SCN8A: variants seen among roughly 807,000 people sequenced by gnomAD.
The protein encoded by SCN8A is sodium channel protein type 8 subunit alpha.
SCN8A carries 30 observed loss-of-function variants against 184.1 expected under a neutral mutation model. The observed-to-expected ratio is 0.16, with a 90% confidence interval of 0.12 to 0.22. The LOEUF is 0.22. SCN8A is among the 10% of genes least tolerant of loss of function. SCN8A has a pLI of 1.00. For synonymous variants in SCN8A, 852 were observed against 907.0 expected (o/e 0.94, Z 1.09); for missense variants, 1,057 against 2,498.9 (o/e 0.42, Z 12.30).
rs1324654905 is a variant in SCN8A at position 51,765,600 on chromosome 12, ATT to A, written c.2545-68_2545-67del. 5 of 923,112 alleles carry A rather than the reference ATT, an allele frequency of 5.4e-6. No individual in the cohort carries two copies. The East Asian group carries it at 1.1e-4, about 19-fold the overall frequency. 57.2% of individuals were successfully genotyped at this position (923,112 alleles called of 1,614,324 possible). On this transcript the variant is annotated intron_variant, in intron 15 of 26. Coordinates refer to ENST00000627620, the MANE Select transcript of SCN8A (RefSeq NM_001330260.2). Reference sequence around the variant, plus strand: ...CTGATCTTCCTAATTTTATGTTTTTATTTTAGCCATGTGGTGAGAAAATTGAT... The same window carrying A: ...CTGATCTTCCTAATTTTATGTTTTTATTAGCCATGTGGTGAGAAAATTGAT...
intron 25 of SCN8A, among the ~76,000 whole-genome samples, chr12:51,793,899 T>C (rs748991711): frequency 1.3e-5 from 2 of 150,476 alleles, no homozygotes; most frequent in Non-Finnish European, 3.0e-5. Context: ...AATCCTAGCA[T>C]TTTGGGAGGC....
chr12:51,710,883 T>C (rs1941863578), intron 11 of SCN8A, among the ~76,000 whole-genome samples: 2 of 152,240 alleles, frequency 1.3e-5, no homozygotes, highest in South Asian at 4.1e-4. Context: ...GAAAGTACTC[T>C]ACATATACTC....
At chr12:51,799,730 A>G (rs113546428) in intron 26 of SCN8A, among the ~76,000 whole-genome samples, 92 of 152,210 alleles carry the variant, frequency 6.0e-4, no homozygotes, top group African/African-American at 2.1e-3. Flanking sequence ...CCGGAGTAAC[A>G]TACTCAAATG....
chr12:51,636,553 T>G (rs1306626078), intron 1 of SCN8A, among the ~76,000 whole-genome samples: 1 of 152,160 alleles, frequency 6.6e-6, no homozygotes, highest in Non-Finnish European at 1.5e-5. Flanking sequence ...AGAAATTTAC[T>G]TATATAGTTT....
chr12:51,757,734 C>G (rs1423019480), intron 14 of SCN8A, among the ~76,000 whole-genome samples: 1 of 152,162 alleles, frequency 6.6e-6, no homozygotes, highest in Non-Finnish European at 1.5e-5. Context: ...CTGCAGTGAG[C>G]TATGATCATG....
rs1592178087 is a variant in SCN8A at position 51,811,234 on chromosome 12, T to G, written c.*3805T>G. ...TAGAGGGAAGAGAAATCAAAGGGGC[T>G]CTCGCAAAGTTCTGGCTAAGAAGGA... On this transcript the variant is annotated 3_prime_UTR_variant, in exon 27 of 27. Transcript: ENST00000627620. 6.6e-6 allele frequency: 1 copy of G among 152,130 alleles called. No homozygotes were observed. Among genetic ancestry groups the G allele is most frequent in the East Asian group, 1.9e-4 (1 of 5,172 alleles). 9.4% of individuals were successfully genotyped at this position (152,130 alleles called of 1,614,324 possible). A position where few individuals can be genotyped will look rare whatever the true frequency, so the allele number is the denominator to read the frequency against.
intron 3 of SCN8A, among the ~76,000 whole-genome samples, chr12:51,685,369 A>G (rs1941402318): frequency 6.6e-6 from 1 of 152,184 alleles, no homozygotes; most frequent in African/African-American, 2.4e-5. Flanking sequence ...TTAACAAGAG[A>G]GAGTGAATTA....
At chr12:51,629,315 C>T (rs1940146025) in intron 1 of SCN8A, among the ~76,000 whole-genome samples, 1 of 152,104 alleles carries the variant, frequency 6.6e-6, no homozygotes, top group South Asian at 2.1e-4. Context: ...GCATTATTGA[C>T]ATTTTGAACT....
intron 2 of SCN8A, among the ~76,000 whole-genome samples, chr12:51,675,089 A>G (rs1173057395): frequency 6.6e-6 from 1 of 152,210 alleles, no homozygotes; most frequent in Non-Finnish European, 1.5e-5. Flanking sequence ...GCTTAGAGCA[A>G]CTGTAGTCTG....
intron 6 of SCN8A, among the ~76,000 whole-genome samples, chr12:51,698,786 A>C (rs1337935297): frequency 6.6e-6 from 1 of 152,276 alleles, no homozygotes; most frequent in Non-Finnish European, 1.5e-5. Flanking sequence ...ATGGAAAAAG[A>C]CAAAGTATAA....
In SCN8A at chr12:51,775,104, A is replaced by G. The variant is rs529508906; in HGVS notation, c.3819+742A>G. 9.2e-5 allele frequency among the ~76,000 whole-genome samples: 14 copies of G among 152,244 alleles called. No homozygotes were observed. In the East Asian group the frequency reaches 2.7e-3, roughly 29 times the overall value. ...AGGATGATGACTGGTCTCTTATTCT[A>G]TGTAATAACTAAAGCTTCTTTCTTT... On this transcript the variant is annotated intron_variant, in intron 20 of 26. Transcript: ENST00000627620.
rs1288157626 is a variant in SCN8A, at chr12:51,807,079, C to T, written c.5593C>T (p.Leu1865=). The stretch of plus-strand genomic sequence containing the variant: ...GGGAGATAGCGGGGAGTTGGACATC[C>T]TGCGGCAGCAGATGGAAGAGCGGTT... ...VLGDSGELDI[L]RQQMEERFVA... Residue 1865 remains leucine (L), a synonymous_variant, in exon 27 of 27, where the codon CTG becomes TTG. Coordinates refer to ENST00000627620, the MANE Select transcript of SCN8A (RefSeq NM_001330260.2). This position sits in a 1 kb window ranked among gnomAD's most constrained non-coding sequence, Gnocchi z 4.5. 6.2e-7 allele frequency: 1 copy of T among 1,613,994 alleles called. No homozygotes were observed. The highest frequency in any genetic ancestry group is 1.3e-5 in the African/African-American group (1 of 75,028).
In SCN8A at chr12:51,774,120, G is replaced by C. The variant is rs1167916958; in HGVS notation, c.3646-69G>C. The C allele has an allele frequency of 1.3e-5, 20 of 1,484,072 alleles. No individual in the cohort carries two copies. In the East Asian group the frequency reaches 4.6e-4, roughly 34 times the overall value. The allele number at this position is 1,484,072 out of a possible 1,614,324, so 91.9% of individuals were successfully genotyped here. ...AGCCCATGTGGGACGGCTCCCTGAG[G>C]ATAGCAGTGCTCCCTGTGGCCTGCT... is the stretch of plus-strand genomic sequence containing the variant. On this transcript the variant is annotated intron_variant, in intron 19 of 26. Transcript: ENST00000627620.
Position 51,592,963 on chromosome 12 carries a change from A to T in SCN8A, c.-55+1604A>T, listed in dbSNP as rs560144142. Among the ~76,000 whole-genome samples the T allele has an allele frequency of 3.0e-4, 45 of 152,132 alleles. No homozygotes were observed. The South Asian group carries it at 4.8e-3, about 16-fold the overall frequency. On this transcript the variant is annotated intron_variant, in intron 1 of 26. Transcript: ENST00000627620. ...TGCTTTTATTCTTTTCTCAAAAAAA[A>T]TTTTTTTTTTGATTTGTGATGCAAA...
chr12:51,604,888 G>T (rs1939552777), intron 1 of SCN8A, among the ~76,000 whole-genome samples: 1 of 151,882 alleles, frequency 6.6e-6, no homozygotes, highest in Admixed American at 6.6e-5. Context: ...GTGCAGGTTT[G>T]TTGTATAGAT....
chr12:51,656,793 C>A (rs1940829104), intron 1 of SCN8A, among the ~76,000 whole-genome samples: 2 of 151,452 alleles, frequency 1.3e-5, no homozygotes, highest in Admixed American at 6.6e-5. Flanking sequence ...CAGTGAGGTA[C>A]CACTTTACAC....
intron 14 of SCN8A, among the ~76,000 whole-genome samples, chr12:51,756,092 G>A (rs926879630): frequency 2.0e-5 from 3 of 152,032 alleles, no homozygotes; most frequent in African/African-American, 7.3e-5. Context: ...GCCTTCGCCT[G>A]CATGGACATC....
chr12:51,701,171 T>C lies in SCN8A; in HGVS notation c.956T>C (p.Leu319Pro). Reference sequence around the variant, plus strand: ...AATTTCTACACAGTTCCTGGCATGCTGGAACCTTTACTCTGTGGGAACAGT... The same window carrying C: ...AATTTCTACACAGTTCCTGGCATGCCGGAACCTTTACTCTGTGGGAACAGT... ...KTNFYTVPGM[L>P]EPLLCGNSSD... The change falls in exon 8 of 27, where the codon CTG (leucine) becomes CCG (proline). Residue 319 changes from leucine (L) to proline (P), a missense_variant. Leu to Pro is a moderately conservative substitution (Grantham distance 98). This residue lies in a region of SCN8A where 26 missense variants were observed against 44.4 expected (regional missense o/e 0.59). Transcript: ENST00000627620. 1 of 1,613,034 alleles carries C rather than the reference T, an allele frequency of 6.2e-7. No individual in the cohort carries two copies. Among genetic ancestry groups the C allele is most frequent in the Non-Finnish European group, 8.5e-7 (1 of 1,179,340 alleles).
At chr12:51,642,639 T>C (rs1384110467) in intron 1 of SCN8A, among the ~76,000 whole-genome samples, 1 of 151,964 alleles carries the variant, frequency 6.6e-6, no homozygotes, top group East Asian at 1.9e-4. Flanking sequence ...CTTTGTAAGC[T>C]TTTGACAAAC....
Sources: allele counts gnomAD v4.1 joint callset (sites outside exome capture counted in the v4.1 genomes callset), GRCh38; gene constraint gnomAD v4.1.1; regional missense constraint gnomAD v4.1.1; non-coding constraint Gnocchi (gnomAD v3.1); transcripts MANE v1.5; gene names NCBI Gene and HGNC (gene_info 2026-07-23, HGNC 2026-07-21).